Variants in GPM6A observed in about 807,000 individuals in gnomAD.
GPM6A encodes the protein glycoprotein M6A.
Under a neutral mutation model 32.1 loss-of-function variants are expected in GPM6A, and 7 were observed. That is an observed-to-expected ratio of 0.22 (90% CI 0.12 to 0.41). The LOEUF (loss-of-function observed/expected upper bound fraction) is 0.41. GPM6A is among the 10% of genes least tolerant of loss of function. The pLI, the probability that GPM6A is intolerant of heterozygous loss-of-function variation, is 1.00. For missense variants in GPM6A, 235 were observed against 347.2 expected (o/e 0.68, Z 2.57); for synonymous variants, 130 against 123.4 (o/e 1.05, Z -0.35).
intron 1 of GPM6A, among the ~76,000 whole-genome samples, chr4:175,865,012 T>C (rs908694495): frequency 6.6e-6 from 1 of 152,100 alleles, no homozygotes; most frequent in African/African-American, 2.4e-5. Context: ...GGTTTCACCA[T>C]GTTGGCCAGG....
chr4:175,825,357 T>A (rs772213844), intron 1 of GPM6A, among the ~76,000 whole-genome samples: 1 of 152,174 alleles, frequency 6.6e-6, no homozygotes, highest in Admixed American at 6.5e-5. Context: ...CCAAGGCTAG[T>A]CTTTCAGTCA....
At chr4:175,951,820 C>A (rs915429030) in intron 1 of GPM6A, among the ~76,000 whole-genome samples, 7 of 152,148 alleles carry the variant, frequency 4.6e-5, no homozygotes, top group Admixed American at 1.3e-4. Context: ...TTTTCATAAG[C>A]AGATTGCCCT....
chr4:175,872,128 G>T (rs73010147), intron 1 of GPM6A, among the ~76,000 whole-genome samples: 9,136 of 152,162 alleles, frequency 0.06, 893 homozygotes, highest in African/African-American at 0.21. Flanking sequence ...GCCAGCATTT[G>T]AAATCAATAC....
At chr4:175,715,847 C>A (rs1745814392) in intron 1 of GPM6A, among the ~76,000 whole-genome samples, 1 of 151,982 alleles carries the variant, frequency 6.6e-6, no homozygotes, top group Non-Finnish European at 1.5e-5. Flanking sequence ...GGGCAGATAA[C>A]CTGAGGTCAG....
At chr4:175,702,584 G>A (rs1026018472) in intron 1 of GPM6A, among the ~76,000 whole-genome samples, 5 of 152,100 alleles carry the variant, frequency 3.3e-5, no homozygotes, top group African/African-American at 2.4e-5. Flanking sequence ...GAACAATCTC[G>A]GCTCACTGCA....
chr4:175,812,679 T>C (rs1253056138), upstream of GPM6A: 3 of 986,634 alleles, frequency 3.0e-6, no homozygotes, highest in African/African-American at 1.7e-5. Context: ...GGCTGAGCTG[T>C]GAACAGATGG....
chr4:175,730,763 C>T (rs1463184355), intron 1 of GPM6A, among the ~76,000 whole-genome samples: 3 of 152,086 alleles, frequency 2.0e-5, no homozygotes, highest in South Asian at 2.1e-4. Flanking sequence ...TGTGAGCCAC[C>T]GCTGCTGGCC....
At chr4:175,861,744 ACT>A (rs1736579637) in intron 1 of GPM6A, among the ~76,000 whole-genome samples, 1 of 125,340 alleles carries the variant, frequency 8.0e-6, no homozygotes, top group Non-Finnish European at 1.7e-5. Context: ...AGAGAAAGAG[ACT>A]CTGAAAAAAA....
rs35374573 is a variant in GPM6A at position 175,651,002 on chromosome 4, C to G, written c.541+832G>C. ...CAAATAGGCTGAGATTATACTCTAC[C>G]TTTCCACTTCCAGCTCAGTACTAAG... On this transcript the variant is annotated intron_variant, in intron 4 of 6. Transcript: ENST00000393658. 7.0e-3 allele frequency among the ~76,000 whole-genome samples: 1,061 copies of G among 152,218 alleles called. 6 individuals carry two copies. Among genetic ancestry groups the G allele is most frequent in the South Asian group, 0.015 (74 of 4,820 alleles).
intron 6 of GPM6A, among the ~76,000 whole-genome samples, chr4:175,635,478 C>T (rs1057362712): frequency 3.9e-5 from 6 of 152,102 alleles, no homozygotes; most frequent in Admixed American, 3.9e-4. Flanking sequence ...GGTTCTATTA[C>T]CCCAATTAAA....
At chr4:175,664,460 T>G (rs937533495) in intron 3 of GPM6A, among the ~76,000 whole-genome samples, 5 of 152,244 alleles carry the variant, frequency 3.3e-5, no homozygotes, top group Non-Finnish European at 7.3e-5. Flanking sequence ...TGTGAGCCTA[T>G]GTACCTTCTG....
chr4:175,680,750 C>A (rs1299428784), intron 2 of GPM6A, among the ~76,000 whole-genome samples: 1 of 152,152 alleles, frequency 6.6e-6, no homozygotes, highest in Non-Finnish European at 1.5e-5. Context: ...CCTTGATTAT[C>A]TTTACTGTGT....
intron 1 of GPM6A, among the ~76,000 whole-genome samples, chr4:175,841,411 A>G (rs1453311091): frequency 6.6e-6 from 1 of 152,150 alleles, no homozygotes; most frequent in South Asian, 2.1e-4. Context: ...CCCACCCTCC[A>G]GGATCTTGAG....
chr4:175,667,857 C>T (rs1427426186), intron 3 of GPM6A, among the ~76,000 whole-genome samples: 4 of 151,892 alleles, frequency 2.6e-5, no homozygotes, highest in Admixed American at 2.6e-4. Context: ...CTTGAATAAT[C>T]TAAAAAATCA....
chr4:175,637,697 ATTAT>A (rs1560842819), intron 6 of GPM6A, among the ~76,000 whole-genome samples: 16 of 1,870 alleles, frequency 8.6e-3, no homozygotes, highest in African/African-American at 0.026. Flanking sequence ...TATATAATAT[ATTAT>A]ATATTATATA....
intron 1 of GPM6A, among the ~76,000 whole-genome samples, chr4:175,897,363 G>A (rs1737827916): frequency 6.6e-6 from 1 of 152,106 alleles, no homozygotes; most frequent in South Asian, 2.1e-4. Flanking sequence ...TCACTCCAGT[G>A]CCTCCCATTG....
intron 1 of GPM6A, among the ~76,000 whole-genome samples, chr4:175,740,849 T>A (rs1033364874): frequency 1.7e-4 from 26 of 152,032 alleles, no homozygotes; most frequent in African/African-American, 6.3e-4. Flanking sequence ...ATGAAAGGCA[T>A]TTTTAAGGCA....
At chr4:175,749,217 T>C (rs887524625) in intron 1 of GPM6A, among the ~76,000 whole-genome samples, 1 of 152,040 alleles carries the variant, frequency 6.6e-6, no homozygotes, top group Non-Finnish European at 1.5e-5. Flanking sequence ...AAAAAGGTAA[T>C]GGCAAAAACT....
intron 1 of GPM6A, among the ~76,000 whole-genome samples, chr4:175,770,246 G>A (rs1733131964): frequency 1.3e-5 from 2 of 152,102 alleles, no homozygotes; most frequent in South Asian, 2.1e-4. Context: ...GGTTGGTCTC[G>A]AACTCCTGAC....
Sources: gnomAD v4.1 joint callset for allele counts (sites outside exome capture counted in the v4.1 genomes callset) on GRCh38, gnomAD v4.1.1 for gene constraint, MANE v1.5 for transcripts, NCBI Gene and HGNC (gene_info 2026-07-23, HGNC 2026-07-21) for gene names.